Variants in CFL2 observed in about 807,000 individuals in gnomAD.
CFL2 encodes the protein cofilin 2.
CFL2 carries 10 observed loss-of-function variants against 19.6 expected under a neutral mutation model. The observed-to-expected ratio is 0.51, with a 90% CI of 0.31 to 0.86. The LOEUF is 0.86. Among genes scored for constraint, CFL2 ranks in the 40% least tolerant of loss-of-function variants. The probability of loss-of-function intolerance (pLI) is 0.04; values close to 1 mark genes in which losing one functional copy is unlikely to be tolerated. For synonymous variants in CFL2, 63 were observed against 66.7 expected (o/e 0.95, Z 0.27); for missense variants, 125 against 192.1 (o/e 0.65, Z 2.06).
rs759632815 is a variant in CFL2, at chr14:34,710,422, G to A, written c.*2443C>T. The stretch of plus-strand genomic sequence containing the variant: ...AAACTTTTAATGTTCTGAAGTATAA[G>A]TAAACACATCTCAACAGCTTTACAT... On this transcript the variant is annotated 3_prime_UTR_variant, in exon 4 of 4. Coordinates refer to ENST00000298159, the MANE Select transcript of CFL2 (RefSeq NM_138638.5). 1.3e-5 allele frequency: 5 copies of A among 380,278 alleles called. No individual in the cohort carries two copies. The highest frequency in any genetic ancestry group is 8.1e-5 in the South Asian group (4 of 49,544). The allele number at this position is 380,278 out of a possible 1,614,324, so 23.6% of individuals were successfully genotyped here.
intron 1 of CFL2, chr14:34,714,318 C>A: frequency 1.5e-6 from 1 of 682,508 alleles, no homozygotes; most frequent in South Asian, 3.3e-5. Context: ...CAACCTGCGC[C>A]GACGCCCGGG....
chr14:34,713,903 G>A lies in CFL2; in HGVS notation c.4-342C>T, dbSNP rs1214510644. 4 of 1,308,112 alleles carry A rather than the reference G, an allele frequency of 3.1e-6. No homozygotes were observed. In the East Asian group the frequency reaches 1.0e-4, roughly 33 times the overall value. 81.0% of individuals were successfully genotyped at this position (1,308,112 alleles called of 1,614,324 possible). A position where few individuals can be genotyped will look rare whatever the true frequency, so the allele number is the denominator to read the frequency against. On this transcript the variant is annotated intron_variant, in intron 1 of 3. Coordinates refer to ENST00000298159, the MANE Select transcript of CFL2 (RefSeq NM_138638.5). Reference sequence around the variant, plus strand: ...CTTCTGTATTGTGTCAACTCGGCTGGCCTTAAAAAAACACTTTTGGATTTC... The same window carrying A: ...CTTCTGTATTGTGTCAACTCGGCTGACCTTAAAAAAACACTTTTGGATTTC...
At chr14:34,713,599 T>C in intron 1 of CFL2, 38 bp from the exon 2 acceptor site, 1 of 1,609,108 alleles carries the variant, frequency 6.2e-7, no homozygotes. Context: ...AGAACACGTA[T>C]TTTGGTTTTA....
rs1885246081 is a variant in CFL2 at position 34,710,479 on chromosome 14, TA to T, written c.*2385del. On this transcript the variant is annotated 3_prime_UTR_variant, in exon 4 of 4. Transcript: ENST00000298159. Reference sequence around the variant, plus strand: ...ATATATTTTATTTTTTAAACTCTCATAACTTTGCAAGCTAGCAGTAAAATAT... The same window carrying T: ...ATATATTTTATTTTTTAAACTCTCATACTTTGCAAGCTAGCAGTAAAATAT... 2.3e-6 allele frequency: 1 copy of T among 440,944 alleles called. No individual in the cohort carries two copies. Among genetic ancestry groups the T allele is most frequent in the African/African-American group, 2.0e-5 (1 of 49,522 alleles). The allele number at this position is 440,944 out of a possible 1,614,324, so 27.3% of individuals were successfully genotyped here. A position where few individuals can be genotyped will look rare whatever the true frequency, so the allele number is the denominator to read the frequency against.
At position 34,712,163 on chromosome 14, in the gene CFL2, G is replaced by C. The variant is rs1280451100; in HGVS notation, c.*702C>G. ...TCTTTAGTGTTGCAGGACTCACATGGTAAACATAAAACTCCTACACTTATT... is the reference window on the plus strand; with the variant it reads ...TCTTTAGTGTTGCAGGACTCACATGCTAAACATAAAACTCCTACACTTATT... On this transcript the variant is annotated 3_prime_UTR_variant, in exon 4 of 4. Coordinates refer to ENST00000298159, the MANE Select transcript of CFL2 (RefSeq NM_138638.5). 1 of 454,280 alleles carries C rather than the reference G, an allele frequency of 2.2e-6. No homozygotes were observed. The highest frequency in any genetic ancestry group is 4.4e-6 in the Non-Finnish European group (1 of 226,776). 28.1% of individuals were successfully genotyped at this position (454,280 alleles called of 1,614,324 possible).
At position 34,710,809 on chromosome 14, in the gene CFL2, C is replaced by A. The variant is rs754768893; in HGVS notation, c.*2056G>T. On this transcript the variant is annotated 3_prime_UTR_variant, in exon 4 of 4. Transcript: ENST00000298159. ...TACAAGAAAGTTAAGGAATCAGCTACAAAAACAAAAGATACTACATAACTG... is the reference window on the plus strand; with the variant it reads ...TACAAGAAAGTTAAGGAATCAGCTAAAAAAACAAAAGATACTACATAACTG... The A allele has an allele frequency of 1.3e-4, 60 of 452,762 alleles. 1 individual carries two copies. Among genetic ancestry groups the A allele is most frequent in the South Asian group, 8.1e-4 (52 of 64,070 alleles). The allele number at this position is 452,762 out of a possible 1,614,324, so 28.0% of individuals were successfully genotyped here.
rs759451352 is a variant in CFL2, at chr14:34,710,661, G to A, written c.*2204C>T. On this transcript the variant is annotated 3_prime_UTR_variant, in exon 4 of 4. Transcript: ENST00000298159. ...ATTATTAATTTTATCTCTTTTTTTG[G>A]CTCTACGCACAAAGATGTATTTCAA... The A allele has an allele frequency of 2.3e-6, 1 of 439,378 alleles. No homozygotes were observed. Among genetic ancestry groups the A allele is most frequent in the Non-Finnish European group, 4.5e-6 (1 of 222,130 alleles). 27.2% of individuals were successfully genotyped at this position (439,378 alleles called of 1,614,324 possible).
rs759890309 is a variant in CFL2 at position 34,713,583 on chromosome 14, T to TA, written c.4-23dup. On this transcript the variant is annotated intron_variant, in intron 1 of 3. Transcript: ENST00000298159. ...AAGCCTGAAAATAAACACAGAACAG[T>TA]AATTCAGAACACGTATTTTGGTTTT... 2.5e-6 allele frequency: 4 copies of TA among 1,613,966 alleles called. No homozygotes were observed. The Admixed American group carries it at 6.7e-5, about 27-fold the overall frequency.
At position 34,714,527 on chromosome 14, in the gene CFL2, G is replaced by T. The variant is rs952951507; in HGVS notation, c.3+11C>A. 5 of 1,583,386 alleles carry T rather than the reference G, an allele frequency of 3.2e-6. No individual in the cohort carries two copies. In the African/African-American group the frequency reaches 4.2e-5, roughly 13 times the overall value. On this transcript the variant is annotated intron_variant, in intron 1 of 3. Coordinates refer to ENST00000298159, the MANE Select transcript of CFL2 (RefSeq NM_138638.5). ...CTCGCCGCGGCCTCCCGGCCAGCGC[G>T]CTCGTCTTACCATAGTGCCCTCGGC...
In CFL2 at chr14:34,713,401, A is replaced by C; in HGVS notation, c.164T>G (p.Ile55Ser). ...RQIIVEEAKQ[I>S]LVGDIGDTVE... ...AGTATCACCAATGTCACCCACCAAG[A>C]TCTGCTTTGCTTCCTCTACAATTAT... The change falls in exon 2 of 4, where the codon ATC (isoleucine) becomes AGC (serine). Residue 55 changes from isoleucine (I) to serine (S), a missense_variant. Transcript: ENST00000298159. The C allele has an allele frequency of 6.2e-7, 1 of 1,614,114 alleles. No homozygotes were observed. The highest frequency in any genetic ancestry group is 8.5e-7 in the Non-Finnish European group (1 of 1,180,004).
Position 34,713,432 on chromosome 14 carries a change from T to C in CFL2, c.133A>G (p.Arg45Gly), listed in dbSNP as rs1476129407. 1 of 1,614,174 alleles carries C rather than the reference T, an allele frequency of 6.2e-7. No homozygotes were observed. The highest frequency in any genetic ancestry group is 1.7e-5 in the Admixed American group (1 of 60,020). The change falls in exon 2 of 4, where the codon AGA becomes GGA. Residue 45 changes from arginine to glycine, a missense_variant. Transcript: ENST00000298159. ...AVLFCLSDDK[R>G]QIIVEEAKQI... ...TTTGCTTCCTCTACAATTATTTGTC[T>C]TTTGTCATCGCTTAAACAGAAGAGA...
chr14:34,714,319 G>C, intron 1 of CFL2: 4 of 612,986 alleles, frequency 6.5e-6, no homozygotes, highest in Non-Finnish European at 4.8e-6. Context: ...AACCTGCGCC[G>C]ACGCCCGGGC....
At position 34,711,411 on chromosome 14, in the gene CFL2, C is replaced by T. The variant is rs1423590685; in HGVS notation, c.*1454G>A. 1 of 454,570 alleles carries T rather than the reference C, an allele frequency of 2.2e-6. No homozygotes were observed. Among genetic ancestry groups the T allele is most frequent in the Admixed American group, 2.3e-5 (1 of 42,572 alleles). The allele number at this position is 454,570 out of a possible 1,614,324, so 28.2% of individuals were successfully genotyped here. A position where few individuals can be genotyped will look rare whatever the true frequency, so the allele number is the denominator to read the frequency against. Reference sequence around the variant, plus strand: ...CCGCTCACACTGAGCAGATCAAATTCTCTATAAGGAGCACAGTCTGGACCA... The same window carrying T: ...CCGCTCACACTGAGCAGATCAAATTTTCTATAAGGAGCACAGTCTGGACCA... On this transcript the variant is annotated 3_prime_UTR_variant, in exon 4 of 4. Transcript: ENST00000298159.
At position 34,712,338 on chromosome 14, in the gene CFL2, T is replaced by C; in HGVS notation, c.*527A>G. The C allele has an allele frequency of 2.2e-6, 1 of 454,576 alleles. No homozygotes were observed. The highest frequency in any genetic ancestry group is 1.6e-5 in the South Asian group (1 of 64,478). The allele number at this position is 454,576 out of a possible 1,614,324, so 28.2% of individuals were successfully genotyped here. Reference sequence around the variant, plus strand: ...CTTAATTGGCATTCCTTTTAGGATATTAAACTTATTACAAAAAGTGCTTTT... The same window carrying C: ...CTTAATTGGCATTCCTTTTAGGATACTAAACTTATTACAAAAAGTGCTTTT... On this transcript the variant is annotated 3_prime_UTR_variant, in exon 4 of 4. Coordinates refer to ENST00000298159, the MANE Select transcript of CFL2 (RefSeq NM_138638.5).
chr14:34,713,590 G>A (rs1044719001), intron 1 of CFL2, 29 bp from the exon 2 acceptor site: 6 of 1,613,748 alleles, frequency 3.7e-6, no homozygotes, highest in East Asian at 2.2e-5. Flanking sequence ...CAGTAATTCA[G>A]AACACGTATT....
intron 2 of CFL2, 59 bp from the exon 3 acceptor site, chr14:34,713,195 A>C (rs1885372693): frequency 6.5e-6 from 10 of 1,546,830 alleles, no homozygotes; most frequent in Admixed American, 5.6e-5. Flanking sequence ...GGTAAGACTG[A>C]CTATGATAAT....
At chr14:34,714,388 G>A in intron 1 of CFL2, 150 bp downstream of exon 1, 5 of 1,299,140 alleles carry the variant, frequency 3.8e-6, no homozygotes, top group Middle Eastern at 2.8e-4. Context: ...CCGGAGGGCA[G>A]GCCGGTCGGC....
chr14:34,714,542 G>A lies in CFL2; in HGVS notation c.-2C>T, dbSNP rs1330014229. 6.3e-6 allele frequency: 10 copies of A among 1,589,400 alleles called. No homozygotes were observed. The highest frequency in any genetic ancestry group is 8.5e-6 in the Non-Finnish European group (10 of 1,171,294). On this transcript the variant is annotated 5_prime_UTR_variant, in exon 1 of 4. Coordinates refer to ENST00000298159, the MANE Select transcript of CFL2 (RefSeq NM_138638.5). ...CGGCCAGCGCGCTCGTCTTACCATA[G>A]TGCCCTCGGCTGTGGCTGCGGCGGC...
Position 34,713,577 on chromosome 14 carries a change from G to A in CFL2, c.4-16C>T. The stretch of plus-strand genomic sequence containing the variant: ...CTCCAGAAGCCTGAAAATAAACACA[G>A]AACAGTAATTCAGAACACGTATTTT... On this transcript the variant is annotated splice_polypyrimidine_tract_variant and intron_variant, in intron 1 of 3. Coordinates refer to ENST00000298159, the MANE Select transcript of CFL2 (RefSeq NM_138638.5). 6.2e-7 allele frequency: 1 copy of A among 1,613,866 alleles called. No homozygotes were observed.
Sources: gnomAD v4.1 joint callset for allele counts on GRCh38, gnomAD v4.1.1 for gene constraint, MANE v1.5 for transcripts, NCBI Gene and HGNC (gene_info 2026-07-23, HGNC 2026-07-21) for gene names.